The following SLC36A1 variants were observed in gnomAD, a reference collection of about 807,000 sequenced individuals.
SLC36A1 encodes the protein proton-coupled amino acid transporter 1.
In SLC36A1, 30 loss-of-function variants were observed where a neutral mutation model predicts 47.5. That is an observed-to-expected ratio of 0.63 (90% CI 0.47 to 0.86). SLC36A1 has a LOEUF of 0.86. Ranked by LOEUF, SLC36A1 falls within the 40% of genes least tolerant of loss-of-function variation. The probability of loss-of-function intolerance (pLI) is 0.00; values close to 1 mark genes in which losing one functional copy is unlikely to be tolerated. For synonymous variants in SLC36A1, 255 were observed against 249.7 expected (o/e 1.02, Z -0.20); for missense variants, 517 against 606.0 (o/e 0.85, Z 1.54).
At chr5:151,536,750 G>A in the SLC36A1 span, among the ~76,000 whole-genome samples, 1 of 152,316 alleles carries the variant, frequency 6.6e-6, no homozygotes, top group African/African-American at 2.4e-5. Flanking sequence ...ACAATTCTAT[G>A]AGGTGTTATC....
the SLC36A1 span, chr5:151,510,376 A>T: frequency 1.8e-6 from 1 of 553,812 alleles, no homozygotes; most frequent in South Asian, 2.3e-5. Context: ...AACAGCTTAC[A>T]GCCCACCAGA....
the SLC36A1 span, chr5:151,554,706 T>C: frequency 6.5e-7 from 1 of 1,545,872 alleles, no homozygotes; most frequent in Non-Finnish European, 8.8e-7. Context: ...GCACCTGAGC[T>C]GACAATTGCA....
intron 10 of SLC36A1, among the ~76,000 whole-genome samples, chr5:151,481,992 CTG>C (rs1413198647): frequency 1.3e-5 from 2 of 152,158 alleles, no homozygotes; most frequent in Non-Finnish European, 2.9e-5. Flanking sequence ...TACTGATTCT[CTG>C]TGTCATTTGC....
At chr5:151,347,348 A>G in the SLC36A1 span, 53 of 1,614,130 alleles carry the variant, frequency 3.3e-5, no homozygotes, top group Non-Finnish European at 4.2e-5. Context: ...ACTTTCATCC[A>G]AGAATGTAGA....
At chr5:151,512,619 T>C in the SLC36A1 span, 3,940 of 1,581,730 alleles carry the variant, frequency 2.5e-3, 91 homozygotes, top group African/African-American at 0.045. This position sits in a 1 kb window ranked among gnomAD's most constrained non-coding sequence, Gnocchi z 4.1. Context: ...GCAAAGGAAA[T>C]CCAAACAGCC....
At chr5:151,354,801 C>T in the SLC36A1 span, among the ~76,000 whole-genome samples, 2 of 152,150 alleles carry the variant, frequency 1.3e-5, no homozygotes, top group Non-Finnish European at 2.9e-5. Context: ...ATCATTGTGA[C>T]CCTAGTGGTC....
At chr5:151,401,402 A>G in the SLC36A1 span, among the ~76,000 whole-genome samples, 1 of 152,004 alleles carries the variant, frequency 6.6e-6, no homozygotes, top group African/African-American at 2.4e-5. Context: ...TTTTGTACCA[A>G]TACCATGCTG....
the SLC36A1 span, chr5:151,507,324 T>C: frequency 6.2e-7 from 1 of 1,614,178 alleles, no homozygotes; most frequent in African/African-American, 1.3e-5. Flanking sequence ...GGGTTCCGGT[T>C]GGTTGAGGTT....
the SLC36A1 span, among the ~76,000 whole-genome samples, chr5:151,533,396 ACACACACACACAC>A: frequency 2.8e-5 from 2 of 70,204 alleles, no homozygotes; most frequent in South Asian, 3.9e-4. Context: ...TATCTCCAAC[ACACACACACACAC>A]ACACACACAC....
the SLC36A1 span, among the ~76,000 whole-genome samples, chr5:151,404,789 G>A: frequency 6.6e-6 from 1 of 152,134 alleles, no homozygotes; most frequent in Non-Finnish European, 1.5e-5. Context: ...TTAACCTAAT[G>A]GGGTTTCCCC....
the SLC36A1 span, chr5:151,382,256 T>C: frequency 9.0e-6 from 12 of 1,339,188 alleles, no homozygotes; most frequent in African/African-American, 1.4e-5. Flanking sequence ...ACTACCAGCC[T>C]GGGAGCTACA....
chr5:151,489,318 C>T lies in SLC36A1; in HGVS notation c.*1064C>T, dbSNP rs61741553. ...AGGCCCATGTTTCAGCCTCAGCCCA[C>T]GCCAGGTGAAAGGATCAGCAATGCT... On this transcript the variant is annotated 3_prime_UTR_variant, in exon 11 of 11. Coordinates refer to ENST00000243389, the MANE Select transcript of SLC36A1 (RefSeq NM_078483.4). The surrounding 1 kb of genome is among the most constrained non-coding windows in gnomAD (Gnocchi z 4.5). 3,085 of 152,748 alleles carry T rather than the reference C, an allele frequency of 0.02. 49 individuals are homozygous for T. The highest frequency in any genetic ancestry group is 0.027 in the Non-Finnish European group (1,869 of 68,052). The allele number at this position is 152,748 out of a possible 1,614,324, so 9.5% of individuals were successfully genotyped here. A position where few individuals can be genotyped will look rare whatever the true frequency, so the allele number is the denominator to read the frequency against.
chr5:151,539,080 G>A, the SLC36A1 span, among the ~76,000 whole-genome samples: 20 of 152,200 alleles, frequency 1.3e-4, 1 homozygote, highest in South Asian at 2.5e-3. Flanking sequence ...GCCTCTCCAA[G>A]CATGGGGAGG....
At chr5:151,476,545 T>C (rs1173853035) in intron 8 of SLC36A1, 45 bp from the exon 9 acceptor site, 2 of 1,419,024 alleles carry the variant, frequency 1.4e-6, no homozygotes, top group African/African-American at 2.9e-5. Flanking sequence ...CCATTAACTT[T>C]TCTTTTTTCT....
chr5:151,402,085 T>C, the SLC36A1 span, among the ~76,000 whole-genome samples: 1 of 152,222 alleles, frequency 6.6e-6, no homozygotes, highest in Non-Finnish European at 1.5e-5. Context: ...GGAGAATGCT[T>C]TCGGCTTTTG....
At chr5:151,429,046 T>C in the SLC36A1 span, among the ~76,000 whole-genome samples, 1 of 152,232 alleles carries the variant, frequency 6.6e-6, no homozygotes. Context: ...CAGTTTGAGA[T>C]ACTGCTCTGC....
At chr5:151,543,622 T>C in the SLC36A1 span, 1 of 1,614,178 alleles carries the variant, frequency 6.2e-7, no homozygotes, top group Non-Finnish European at 8.5e-7. Flanking sequence ...GGCTAGCAAA[T>C]CAATCACCTT....
At chr5:151,474,176 A>AAAAAAAAAAAAAAAAC (rs1757730674) in intron 8 of SLC36A1, among the ~76,000 whole-genome samples, 1 of 101,812 alleles carries the variant, frequency 9.8e-6, no homozygotes, top group African/African-American at 6.5e-5. Context: ...AAAAAAAAAA[A>AAAAAAAAAAAAAAAAC]AAAGAAATTA....
At position 151,467,712 on chromosome 5, in the gene SLC36A1, A is replaced by AGAAGC; in HGVS notation, c.512_516dup (p.Ala173LysfsTer16). The AGAAGC allele has an allele frequency of 6.2e-7, 1 of 1,613,760 alleles. No individual in the cohort carries two copies. Among genetic ancestry groups the AGAAGC allele is most frequent in the African/African-American group, 1.3e-5 (1 of 75,002 alleles). On this transcript the variant is annotated frameshift_variant, in exon 7 of 11. Coordinates refer to ENST00000243389, the MANE Select transcript of SLC36A1 (RefSeq NM_078483.4). LOFTEE classifies it high-confidence loss of function. ...CTTCCTTCCCCTCATTCTAGGTGAT[A>AGAAGC]GAAGCGGCCAATGGGACCACCAATA... is the stretch of plus-strand genomic sequence containing the variant.
Sources: allele counts gnomAD v4.1 joint callset (sites outside exome capture counted in the v4.1 genomes callset), GRCh38; gene constraint gnomAD v4.1.1; non-coding constraint Gnocchi (gnomAD v3.1); transcripts MANE v1.5; gene names NCBI Gene and HGNC (gene_info 2026-07-23, HGNC 2026-07-21).